Variants in RIMS1 observed in about 807,000 individuals in gnomAD.
RIMS1 encodes the protein regulating synaptic membrane exocytosis 1.
A neutral mutation model predicts 214.1 loss-of-function variants in RIMS1; 83 were observed. The observed-to-expected ratio is 0.39, with a 90% CI of 0.32 to 0.47. RIMS1 has a LOEUF of 0.47. RIMS1 is among the 20% of genes least tolerant of loss of function. The pLI is 0.99. For missense variants in RIMS1, 2,050 were observed against 2,161.8 expected (o/e 0.95, Z 1.03); for synonymous variants, 793 against 786.8 (o/e 1.01, Z -0.13).
chr6:71,963,059 G>C (rs1793415149), intron 1 of RIMS1, among the ~76,000 whole-genome samples: 1 of 152,108 alleles, frequency 6.6e-6, no homozygotes, highest in Non-Finnish European at 1.5e-5. Context: ...AATTATGTAG[G>C]ATGATTTGAA....
chr6:72,186,385 G>C (rs1483929912), intron 6 of RIMS1, among the ~76,000 whole-genome samples: 1 of 152,164 alleles, frequency 6.6e-6, no homozygotes. Flanking sequence ...TTAAATAAAT[G>C]AACTTAAAAC....
chr6:72,231,044 C>CA (rs2061779219), intron 6 of RIMS1, among the ~76,000 whole-genome samples: 1 of 151,544 alleles, frequency 6.6e-6, no homozygotes, highest in African/African-American at 2.4e-5. Context: ...ACCTGGCAGC[C>CA]AATATCTTTA....
intron 2 of RIMS1, among the ~76,000 whole-genome samples, chr6:71,985,642 T>C (rs1471046477): frequency 6.6e-6 from 1 of 152,220 alleles, no homozygotes; most frequent in Non-Finnish European, 1.5e-5. Context: ...TGACAAACCC[T>C]ATAATTCAGT....
At chr6:72,017,778 TATGTAGGTACCCAAGAAA>T (rs1303857507) in intron 2 of RIMS1, among the ~76,000 whole-genome samples, 1 of 152,176 alleles carries the variant, frequency 6.6e-6, no homozygotes, top group Admixed American at 6.5e-5. Context: ...ATTGCAATAA[TATGTAGGTACCCAAGAAA>T]GGGCTTAACT....
chr6:72,161,847 A>G lies in RIMS1; in HGVS notation c.472-17728A>G, dbSNP rs1184482867. On this transcript the variant is annotated intron_variant, in intron 4 of 33. Transcript: ENST00000521978. ...TTGGAATAAGTGTGATGTGGTGCTG[A>G]AAAGAATGTATATTCTGTTGATTTG... 1.4e-5 allele frequency among the ~76,000 whole-genome samples: 2 copies of G among 141,014 alleles called. 1 individual carries two copies. Among genetic ancestry groups the G allele is most frequent in the Non-Finnish European group, 3.2e-5 (2 of 62,132 alleles). The allele number at this position is 141,014 out of a possible 152,430, so 92.5% of individuals were successfully genotyped here. A position where few individuals can be genotyped will look rare whatever the true frequency, so the allele number is the denominator to read the frequency against.
chr6:71,934,666 G>A (rs951178938), intron 1 of RIMS1, among the ~76,000 whole-genome samples: 3 of 152,066 alleles, frequency 2.0e-5, no homozygotes, highest in Admixed American at 6.5e-5. Context: ...CAATATTAGC[G>A]GGATTATATT....
chr6:72,122,458 G>A (rs138932747), intron 4 of RIMS1, among the ~76,000 whole-genome samples: 1,904 of 151,490 alleles, frequency 0.013, 41 homozygotes, highest in Middle Eastern at 0.028. Flanking sequence ...CACCCGCCTC[G>A]GCCTCCCAAA....
intron 29 of RIMS1, among the ~76,000 whole-genome samples, chr6:72,385,364 A>C (rs578070502): frequency 6.6e-6 from 1 of 152,234 alleles, no homozygotes; most frequent in Non-Finnish European, 1.5e-5. Flanking sequence ...AGATGCAGAT[A>C]ATTATACATT....
intron 29 of RIMS1, among the ~76,000 whole-genome samples, chr6:72,334,864 T>TAA (rs1405304267): frequency 6.6e-6 from 1 of 151,936 alleles, no homozygotes; most frequent in African/African-American, 2.4e-5. Context: ...GAACTTAGAA[T>TAA]AGCTAGCATC....
intron 29 of RIMS1, among the ~76,000 whole-genome samples, chr6:72,336,287 G>T (rs773275793): frequency 2.9e-4 from 44 of 151,594 alleles, no homozygotes; most frequent in Non-Finnish European, 5.6e-4. Context: ...CAGTAATTTT[G>T]CATAAAAACT....
chr6:72,252,688 A>C, intron 15 of RIMS1, 73 bp from the exon 16 acceptor site: 1 of 1,241,066 alleles, frequency 8.1e-7, no homozygotes, highest in African/African-American at 1.5e-5. Flanking sequence ...TTTTAAAAAA[A>C]GTTTGACAGT....
intron 29 of RIMS1, among the ~76,000 whole-genome samples, chr6:72,372,239 G>C (rs1256500082): frequency 6.6e-6 from 1 of 152,048 alleles, no homozygotes; most frequent in Non-Finnish European, 1.5e-5. Flanking sequence ...TTTCTTGAAA[G>C]GAAAATAAAA....
chr6:72,390,093 A>G (rs1300629095), intron 29 of RIMS1, among the ~76,000 whole-genome samples: 1 of 152,224 alleles, frequency 6.6e-6, no homozygotes. Flanking sequence ...AAAATCATCA[A>G]TTAAAATACT....
intron 4 of RIMS1, among the ~76,000 whole-genome samples, chr6:72,124,027 G>C (rs560713215): frequency 6.6e-6 from 1 of 151,726 alleles, no homozygotes; most frequent in East Asian, 1.9e-4. Flanking sequence ...GATGTTAGCT[G>C]GTTATTTTGC....
At chr6:72,008,760 A>G (rs1362019856) in intron 2 of RIMS1, among the ~76,000 whole-genome samples, 1 of 152,252 alleles carries the variant, frequency 6.6e-6, no homozygotes, top group African/African-American at 2.4e-5. Context: ...GATCAATTCA[A>G]CAAGAAGAGC....
intron 2 of RIMS1, among the ~76,000 whole-genome samples, chr6:71,993,183 G>C (rs1802406407): frequency 6.6e-6 from 1 of 152,206 alleles, no homozygotes; most frequent in Non-Finnish European, 1.5e-5. Context: ...GATCTGTTAA[G>C]AGAGGTTTTT....
intron 2 of RIMS1, 52 bp downstream of exon 2, chr6:71,969,115 C>G: frequency 6.5e-7 from 1 of 1,532,584 alleles, no homozygotes. Context: ...TTACACAGAT[C>G]ATGGTTACAG....
intron 2 of RIMS1, among the ~76,000 whole-genome samples, chr6:72,068,948 G>A (rs1829976004): frequency 1.3e-5 from 2 of 152,024 alleles, no homozygotes; most frequent in South Asian, 4.2e-4. Context: ...ATGAGCTGAT[G>A]GGACTGCTGA....
At chr6:71,984,105 T>C (rs1799212538) in intron 2 of RIMS1, among the ~76,000 whole-genome samples, 1 of 152,224 alleles carries the variant, frequency 6.6e-6, no homozygotes, top group Admixed American at 6.5e-5. Flanking sequence ...GTTATTTCAA[T>C]AGCTATAACC....
Sources: allele counts gnomAD v4.1 joint callset (sites outside exome capture counted in the v4.1 genomes callset), GRCh38; gene constraint gnomAD v4.1.1; transcripts MANE v1.5; gene names NCBI Gene and HGNC (gene_info 2026-07-23, HGNC 2026-07-21).